The following ARHGAP10 variants were observed in gnomAD, a reference collection of about 807,000 sequenced individuals.
The protein encoded by ARHGAP10 is Rho GTPase activating protein 10.
Under a neutral mutation model 108.6 loss-of-function variants are expected in ARHGAP10, and 87 were observed. The ratio of observed to expected loss-of-function variants is 0.80; its 90% CI spans 0.67 to 0.96. The LOEUF (loss-of-function observed/expected upper bound fraction) is 0.96, where lower values mean the gene tolerates loss of function less well. Ranked by LOEUF, ARHGAP10 falls within the 40% of genes least tolerant of loss-of-function variation. ARHGAP10 has a pLI of 0.00. For missense variants in ARHGAP10, 939 were observed against 954.5 expected, an observed-to-expected ratio of 0.98 and a Z score of 0.21; for synonymous variants, 347 against 341.1, an observed-to-expected ratio of 1.02 and a Z score of -0.19.
At chr4:147,995,777 C>T (rs191851549) in intron 18 of ARHGAP10, among the ~76,000 whole-genome samples, 4 of 152,122 alleles carry the variant, frequency 2.6e-5, no homozygotes, top group Admixed American at 2.6e-4. Flanking sequence ...AATGCAGTGG[C>T]GCGATCTCTG....
intron 10 of ARHGAP10, among the ~76,000 whole-genome samples, chr4:147,884,181 G>A (rs1164377587): frequency 6.6e-6 from 1 of 152,200 alleles, no homozygotes; most frequent in Non-Finnish European, 1.5e-5. Flanking sequence ...ATCATCCAGA[G>A]TCTCTGGTTT....
chr4:147,838,287 C>A (rs1486922236), intron 3 of ARHGAP10, among the ~76,000 whole-genome samples: 2 of 152,114 alleles, frequency 1.3e-5, no homozygotes, highest in Non-Finnish European at 2.9e-5. Flanking sequence ...ATGTTAGCAG[C>A]CCATTTGGAC....
At position 147,734,684 on chromosome 4, in the gene ARHGAP10, T is replaced by A. The variant is rs771661531; in HGVS notation, c.154+2229T>A. Among the ~76,000 whole-genome samples the A allele has an allele frequency of 3.3e-4, 50 of 152,110 alleles. 2 individuals are homozygous for A. Among genetic ancestry groups the A allele is most frequent in the Non-Finnish European group, 1.2e-4 (8 of 68,042 alleles). On this transcript the variant is annotated intron_variant, in intron 1 of 22. Coordinates refer to ENST00000336498, the MANE Select transcript of ARHGAP10 (RefSeq NM_024605.4). The stretch of plus-strand genomic sequence containing the variant: ...ATTGAGCAGGTCTTATTCTTTTGCG[T>A]CCAACTTCCCCTGTCTACCTCTTAG...
At chr4:148,032,153 A>G (rs1288101556) in intron 19 of ARHGAP10, among the ~76,000 whole-genome samples, 1 of 152,152 alleles carries the variant, frequency 6.6e-6, no homozygotes, top group Admixed American at 6.5e-5. Context: ...ATATTACCAT[A>G]TATGAAAACT....
chr4:147,984,123 CTTGT>C (rs1739934837), intron 18 of ARHGAP10, among the ~76,000 whole-genome samples: 1 of 152,006 alleles, frequency 6.6e-6, no homozygotes, highest in Non-Finnish European at 1.5e-5. Flanking sequence ...TCCTTTGTTG[CTTGT>C]AGGGGTGTAA....
intron 5 of ARHGAP10, among the ~76,000 whole-genome samples, chr4:147,859,667 A>AT (rs1734237114): frequency 6.6e-6 from 1 of 152,144 alleles, no homozygotes; most frequent in South Asian, 2.1e-4. Context: ...AGGCAACAAC[A>AT]TTGTCTTATT....
Position 147,949,095 on chromosome 4 carries a change from C to A in ARHGAP10, c.1391+2391C>A, listed in dbSNP as rs1578723463. 7.2e-5 allele frequency among the ~76,000 whole-genome samples: 11 copies of A among 152,144 alleles called. No individual in the cohort carries two copies. The South Asian group carries it at 2.1e-3, about 29-fold the overall frequency. On this transcript the variant is annotated intron_variant, in intron 15 of 22. Coordinates refer to ENST00000336498, the MANE Select transcript of ARHGAP10 (RefSeq NM_024605.4). ...CACTTTTTAATGATATAAAATTTAT[C>A]CGTGGGTGATAGTTATGTATTACCT...
At chr4:147,940,258 C>T (rs1300864372) in intron 14 of ARHGAP10, among the ~76,000 whole-genome samples, 2 of 152,136 alleles carry the variant, frequency 1.3e-5, no homozygotes, top group African/African-American at 2.4e-5. Flanking sequence ...CACTGGGACT[C>T]GCTCATTTTT....
chr4:147,868,074 T>C (rs1303867968), intron 7 of ARHGAP10, among the ~76,000 whole-genome samples: 1 of 152,046 alleles, frequency 6.6e-6, no homozygotes, highest in Non-Finnish European at 1.5e-5. Flanking sequence ...ATTCTTTTTC[T>C]GCTGCTGTGG....
intron 4 of ARHGAP10, among the ~76,000 whole-genome samples, chr4:147,852,763 G>C (rs1228081717): frequency 7.0e-6 from 1 of 142,204 alleles, no homozygotes; most frequent in Non-Finnish European, 1.5e-5. Context: ...TTGTCACCCA[G>C]GCTGGAGTAG....
chr4:147,817,329 A>C (rs1732292536), intron 1 of ARHGAP10, among the ~76,000 whole-genome samples: 1 of 152,278 alleles, frequency 6.6e-6, no homozygotes, highest in South Asian at 2.1e-4. Flanking sequence ...ATGGGCAGTC[A>C]AGGTAGGGTG....
At chr4:147,798,719 G>T (rs1731415669) in intron 1 of ARHGAP10, among the ~76,000 whole-genome samples, 1 of 125,966 alleles carries the variant, frequency 7.9e-6, no homozygotes, top group Non-Finnish European at 1.5e-5. Flanking sequence ...TCAGGAGTTT[G>T]AGACACTCTC....
At chr4:147,751,769 A>G (rs1008058995) in intron 1 of ARHGAP10, among the ~76,000 whole-genome samples, 5 of 152,042 alleles carry the variant, frequency 3.3e-5, no homozygotes, top group African/African-American at 1.2e-4. Context: ...TAATCTCGTA[A>G]TAATTGCCAT....
intron 7 of ARHGAP10, among the ~76,000 whole-genome samples, chr4:147,871,801 G>A (rs985851957): frequency 3.3e-5 from 5 of 152,090 alleles, no homozygotes; most frequent in East Asian, 1.9e-4. Flanking sequence ...CCTAAAAATG[G>A]TACATTTAAA....
At chr4:147,990,762 G>A (rs1740241755) in intron 18 of ARHGAP10, among the ~76,000 whole-genome samples, 2 of 152,182 alleles carry the variant, frequency 1.3e-5, no homozygotes, top group South Asian at 4.2e-4. Flanking sequence ...CAGACGCCGA[G>A]GTCTACTTGA....
chr4:148,003,936 G>T lies in ARHGAP10; in HGVS notation c.1717-19327G>T, dbSNP rs564123646. The stretch of plus-strand genomic sequence containing the variant: ...AGTGAAGAACACCTATGTGAAGAAA[G>T]CTGCAAAATTATGCTAAGAGACGTG... On this transcript the variant is annotated intron_variant, in intron 18 of 22. Coordinates refer to ENST00000336498, the MANE Select transcript of ARHGAP10 (RefSeq NM_024605.4). Among the ~76,000 whole-genome samples the T allele has an allele frequency of 4.6e-5, 7 of 152,344 alleles. No individual in the cohort carries two copies. The East Asian group carries it at 1.2e-3, about 25-fold the overall frequency.
intron 1 of ARHGAP10, among the ~76,000 whole-genome samples, chr4:147,777,674 A>C (rs1730355247): frequency 6.6e-6 from 1 of 152,132 alleles, no homozygotes; most frequent in Non-Finnish European, 1.5e-5. Flanking sequence ...TTTAAGGGTG[A>C]CTCATGTCTG....
chr4:148,030,055 C>T (rs568606182), intron 19 of ARHGAP10, among the ~76,000 whole-genome samples: 1 of 150,318 alleles, frequency 6.7e-6, no homozygotes, highest in South Asian at 2.1e-4. Flanking sequence ...TCTATTGCTT[C>T]CTATGTAATT....
intron 14 of ARHGAP10, among the ~76,000 whole-genome samples, chr4:147,945,043 T>C (rs1050826962): frequency 2.6e-5 from 4 of 152,206 alleles, no homozygotes; most frequent in African/African-American, 9.6e-5. Context: ...GAAGTTCAGA[T>C]AGGTTTGCAA....
Sources: allele counts gnomAD v4.1 joint callset (sites outside exome capture counted in the v4.1 genomes callset), GRCh38; gene constraint gnomAD v4.1.1; transcripts MANE v1.5; gene names NCBI Gene and HGNC (gene_info 2026-07-23, HGNC 2026-07-21).